Variants in CFAP46 observed in about 807,000 individuals in gnomAD.
CFAP46 encodes cilia- and flagella-associated protein 46.
CFAP46 carries 245 observed loss-of-function variants against 325.7 expected under a neutral mutation model. The observed-to-expected ratio is 0.75, with a 90% CI of 0.68 to 0.84. The LOEUF is 0.84. Among genes scored for constraint, CFAP46 ranks in the 40% least tolerant of loss-of-function variants. The pLI, the probability that CFAP46 is intolerant of heterozygous loss-of-function variation, is 0.00. For missense variants in CFAP46, 3,346 were observed against 3,543.0 expected (o/e 0.94, Z 1.41); for synonymous variants, 1,523 against 1,495.9 (o/e 1.02, Z -0.42).
intron 38 of CFAP46, 102 bp downstream of exon 38, chr10:132,858,969 T>C: frequency 7.9e-7 from 1 of 1,260,104 alleles, no homozygotes; most frequent in Non-Finnish European, 1.1e-6. Flanking sequence ...CCCGCGGGGG[T>C]GCAGCCGGGG....
intron 50 of CFAP46, among the ~76,000 whole-genome samples, chr10:132,822,849 ACTGTGTG>A (rs1342422852): frequency 3.2e-5 from 2 of 62,510 alleles, no homozygotes; most frequent in African/African-American, 1.2e-4. Context: ...TGATGTGTGC[ACTGTGTG>A]CTGTGTGCGG....
intron 50 of CFAP46, among the ~76,000 whole-genome samples, chr10:132,822,714 T>C (rs1455905025): frequency 7.0e-6 from 1 of 142,360 alleles, no homozygotes; most frequent in African/African-American, 2.7e-5. Context: ...AGTGCTGATG[T>C]GTGCTGATGT....
At chr10:132,837,966 C>CACGTGTACACAG (rs1848293866) in intron 44 of CFAP46, among the ~76,000 whole-genome samples, 1 of 152,046 alleles carries the variant, frequency 6.6e-6, no homozygotes, top group African/African-American at 2.4e-5. Context: ...TACACAGACG[C>CACGTGTACACAG]ACACACTCAC....
chr10:132,870,066 CAA>C (rs1848875227), intron 32 of CFAP46, among the ~76,000 whole-genome samples: 4 of 152,164 alleles, frequency 2.6e-5, no homozygotes, highest in Non-Finnish European at 5.9e-5. Flanking sequence ...TGGTAATTCT[CAA>C]AATATTTCAA....
In CFAP46 at chr10:132,918,430, A is replaced by G. The variant is rs773712894; in HGVS notation, c.1949T>C (p.Leu650Pro). The G allele has an allele frequency of 6.5e-7, 1 of 1,549,052 alleles. No homozygotes were observed. Among genetic ancestry groups the G allele is most frequent in the South Asian group, 1.2e-5 (1 of 83,930 alleles). The change falls in exon 16 of 58, where the codon CTG (leucine) becomes CCG (proline). Residue 650 changes from leucine (L) to proline (P), a missense_variant. Leu to Pro is a moderately conservative substitution (Grantham distance 98). Coordinates refer to ENST00000368586, the MANE Select transcript of CFAP46 (RefSeq NM_001200049.3). Reference sequence around the variant, plus strand: ...GAACCCCACCTCCGCGAACTTCCGCAGCAGGTCGGGGCACACCTGCCTCTG... The same window carrying G: ...GAACCCCACCTCCGCGAACTTCCGCGGCAGGTCGGGGCACACCTGCCTCTG... ...VLQRQVCPDL[L>P]RKFAEVGFIH...
chr10:132,871,395 G>A (rs542407068), intron 32 of CFAP46, among the ~76,000 whole-genome samples: 27 of 152,322 alleles, frequency 1.8e-4, no homozygotes, highest in East Asian at 1.2e-3. Context: ...TATAGCTGCC[G>A]CAGAGAGTGA....
chr10:132,910,087 C>T lies in CFAP46; in HGVS notation c.2500-19G>A, dbSNP rs1192208091. The T allele has an allele frequency of 2.6e-5, 37 of 1,397,064 alleles. No homozygotes were observed. The highest frequency in any genetic ancestry group is 8.8e-5 in the East Asian group (3 of 34,116). The allele number at this position is 1,397,064 out of a possible 1,614,324, so 86.5% of individuals were successfully genotyped here. ...CGCAGACCTAGGACAGACGTGTTCT[C>T]GGTCACGAAACCTGAATTCTAAACA... On this transcript the variant is annotated intron_variant, in intron 19 of 57. Coordinates refer to ENST00000368586, the MANE Select transcript of CFAP46 (RefSeq NM_001200049.3).
At chr10:132,809,981 G>A (rs541775869) in intron 57 of CFAP46, among the ~76,000 whole-genome samples, 34 of 152,304 alleles carry the variant, frequency 2.2e-4, no homozygotes, top group Admixed American at 3.3e-4. Flanking sequence ...AGGGGCCGTC[G>A]GGCACTGTGG....
At position 132,854,618 on chromosome 10, in the gene CFAP46, T is replaced by C. The variant is rs565592604; in HGVS notation, c.5574+2972A>G. ...TCCCAAAGTGACGGGATTACACGCA[T>C]GAGCCACTGTGCCCGGCCAGCTTTC... On this transcript the variant is annotated intron_variant, in intron 39 of 57. Coordinates refer to ENST00000368586, the MANE Select transcript of CFAP46 (RefSeq NM_001200049.3). Among the ~76,000 whole-genome samples, 6 of 152,336 alleles carry C rather than the reference T, an allele frequency of 3.9e-5. No homozygotes were observed. In the South Asian group the frequency reaches 1.2e-3, roughly 32 times the overall value.
In CFAP46 at chr10:132,886,562, A is replaced by G. The variant is rs1849134945; in HGVS notation, c.3305-603T>C. On this transcript the variant is annotated intron_variant, in intron 25 of 57. Coordinates refer to ENST00000368586, the MANE Select transcript of CFAP46 (RefSeq NM_001200049.3). The surrounding 1 kb of genome is among the most constrained non-coding windows in gnomAD (Gnocchi z 5.8). ...TCAGTGCCCCCAAATGCACGAAGCC[A>G]GCAGGGTGGATCCTGGTGGGATGGA... is the stretch of plus-strand genomic sequence containing the variant. Among the ~76,000 whole-genome samples, 1 of 152,180 alleles carries G rather than the reference A, an allele frequency of 6.6e-6. No individual in the cohort carries two copies. Among genetic ancestry groups the G allele is most frequent in the African/African-American group, 2.4e-5 (1 of 41,446 alleles).
At chr10:132,835,904 T>C (rs1591043324) in intron 46 of CFAP46, among the ~76,000 whole-genome samples, 1 of 44,380 alleles carries the variant, frequency 2.3e-5, no homozygotes, top group Non-Finnish European at 4.2e-5. Context: ...CATGCTCCCG[T>C]CCCCTCCGCT....
intron 50 of CFAP46, among the ~76,000 whole-genome samples, chr10:132,820,704 CTG>C (rs1320614536): frequency 3.1e-5 from 2 of 64,408 alleles, no homozygotes; most frequent in African/African-American, 5.0e-5. Context: ...CTGATGTGTG[CTG>C]TGTGTGCGCT....
chr10:132,821,630 G>GT, intron 50 of CFAP46, among the ~76,000 whole-genome samples: 1 of 141,222 alleles, frequency 7.1e-6, no homozygotes, highest in African/African-American at 2.7e-5. Context: ...TGCTGTGTGT[G>GT]TGCTGTGTGC....
intron 50 of CFAP46, among the ~76,000 whole-genome samples, chr10:132,823,485 CTGTGTGCTGATGTGTGCTGTGTGCTGA>C (rs1847939605): frequency 9.2e-6 from 1 of 108,786 alleles, no homozygotes; most frequent in Non-Finnish European, 1.8e-5. Context: ...CTGATGTGTG[CTGTGTGCTGATGTGTGCTGTGTGCTGA>C]TGTGTGCTGT....
At chr10:132,892,558 C>T in intron 24 of CFAP46, 141 bp from the exon 25 acceptor site, 2 of 718,314 alleles carry the variant, frequency 2.8e-6, no homozygotes, top group Non-Finnish European at 2.3e-6. Context: ...GTAAATTAAC[C>T]TGACAATGTT....
intron 7 of CFAP46, among the ~76,000 whole-genome samples, chr10:132,935,931 T>C (rs866845346): frequency 9.0e-6 from 1 of 111,668 alleles, no homozygotes; most frequent in African/African-American, 3.4e-5. Flanking sequence ...ATCTCCTCAC[T>C]CCCCTCGGCA....
intron 50 of CFAP46, among the ~76,000 whole-genome samples, chr10:132,824,688 CTGTGTGTGCGCTGA>C (rs2134922135): frequency 1.3e-5 from 1 of 79,100 alleles, no homozygotes; most frequent in Non-Finnish European, 2.3e-5. Context: ...CTGATGTGTG[CTGTGTGTGCGCTGA>C]TGTGTGCTGT....
chr10:132,916,763 C>A lies in CFAP46; in HGVS notation c.1987-81G>T, dbSNP rs901798010. ...AGATAGGAAACACACACGCCCTTCC[C>A]TCAGCTCTGATTTGAAAATGCCAAG... On this transcript the variant is annotated intron_variant, in intron 16 of 57. Coordinates refer to ENST00000368586, the MANE Select transcript of CFAP46 (RefSeq NM_001200049.3). 1.4e-5 allele frequency: 20 copies of A among 1,396,668 alleles called. No homozygotes were observed. In the African/African-American group the frequency reaches 2.9e-4, roughly 20 times the overall value. The allele number at this position is 1,396,668 out of a possible 1,614,324, so 86.5% of individuals were successfully genotyped here. A position where few individuals can be genotyped will look rare whatever the true frequency, so the allele number is the denominator to read the frequency against.
At chr10:132,837,030 C>T in intron 44 of CFAP46, 116 bp from the exon 45 acceptor site, 1 of 786,002 alleles carries the variant, frequency 1.3e-6, no homozygotes, top group Non-Finnish European at 2.1e-6. Flanking sequence ...GCTTTGTACC[C>T]TTCCTGCCCG....
Sources: allele counts gnomAD v4.1 joint callset (sites outside exome capture counted in the v4.1 genomes callset), GRCh38; gene constraint gnomAD v4.1.1; non-coding constraint Gnocchi (gnomAD v3.1); transcripts MANE v1.5; gene names NCBI Gene and HGNC (gene_info 2026-07-23, HGNC 2026-07-21).